Variants in SH3BGR observed in about 807,000 individuals in gnomAD.
The protein encoded by SH3BGR is SH3 domain-binding glutamic acid-rich protein.
In SH3BGR, 29 loss-of-function variants were observed where a neutral mutation model predicts 24.5. The ratio of observed to expected loss-of-function variants is 1.18; its 90% CI spans 0.88 to 1.61. The LOEUF is 1.61. Among genes scored for constraint, SH3BGR ranks in the 40% most tolerant of loss-of-function variants. The pLI is 0.00. For synonymous variants in SH3BGR, 55 were observed against 65.7 expected (o/e 0.84, Z 0.79); for missense variants, 162 against 205.8 (o/e 0.79, Z 1.30).
intron 3 of SH3BGR, among the ~76,000 whole-genome samples, chr21:39,476,481 A>T (rs187763274): frequency 6.6e-6 from 1 of 152,206 alleles, no homozygotes; most frequent in Non-Finnish European, 1.5e-5. Flanking sequence ...TTTTGGGGGA[A>T]TTTTCCCACA....
intron 5 of SH3BGR, among the ~76,000 whole-genome samples, chr21:39,510,429 TACACAC>T (rs140320437): frequency 0.028 from 2,910 of 105,594 alleles, 103 homozygotes; most frequent in Middle Eastern, 0.088. Flanking sequence ...ACACTGTAGC[TACACAC>T]ACACACACAC....
intron 4 of SH3BGR, 67 bp from the exon 5 acceptor site, chr21:39,508,931 T>C: frequency 7.9e-7 from 1 of 1,273,528 alleles, no homozygotes; most frequent in South Asian, 1.3e-5. Context: ...TTTGCTTGAT[T>C]TTCAGATTTG....
At chr21:39,508,116 G>T (rs1400536640) in intron 4 of SH3BGR, among the ~76,000 whole-genome samples, 1 of 152,162 alleles carries the variant, frequency 6.6e-6, no homozygotes, top group African/African-American at 2.4e-5. Flanking sequence ...ATGGTGCTGG[G>T]TAGAGAATGT....
intron 3 of SH3BGR, chr21:39,488,525 T>TGAGCAC (rs903478694): frequency 2.5e-5 from 9 of 367,178 alleles, no homozygotes; most frequent in Non-Finnish European, 1.8e-5. Context: ...TGCTGGACTT[T>TGAGCAC]GAGCACTTCC....
At position 39,451,987 on chromosome 21, in the gene SH3BGR, C is replaced by T; in HGVS notation, c.-110C>T. On this transcript the variant is annotated 5_prime_UTR_variant, in exon 1 of 7. Transcript: ENST00000333634. Reference sequence around the variant, plus strand: ...CGGAGCCCAGTGGACCCCTGGGCTGCTGCCAGCCCCGACCTGGCACTTGCT... The same window carrying T: ...CGGAGCCCAGTGGACCCCTGGGCTGTTGCCAGCCCCGACCTGGCACTTGCT... The T allele has an allele frequency of 1.2e-6, 2 of 1,614,170 alleles. No individual in the cohort carries two copies. The highest frequency in any genetic ancestry group is 1.6e-4 in the Middle Eastern group (1 of 6,062).
Position 39,455,893 on chromosome 21 carries a change from T to C in SH3BGR, c.45+3752T>C, listed in dbSNP as rs573699481. Among the ~76,000 whole-genome samples the C allele has an allele frequency of 2.0e-3, 312 of 152,282 alleles. 2 individuals carry two copies. The highest frequency in any genetic ancestry group is 3.6e-3 in the Non-Finnish European group (242 of 68,026). The stretch of plus-strand genomic sequence containing the variant: ...ATTTTTCTTCTTCTTTTTCTCCTTT[T>C]TTGGGGATGAGGGCTGAGAAATGGC... On this transcript the variant is annotated intron_variant, in intron 1 of 6. Coordinates refer to ENST00000333634, the MANE Select transcript of SH3BGR (RefSeq NM_007341.3).
At chr21:39,514,208 G>C (rs780759709) in intron 6 of SH3BGR, among the ~76,000 whole-genome samples, 19 of 152,074 alleles carry the variant, frequency 1.2e-4, no homozygotes, top group Non-Finnish European at 2.1e-4. Flanking sequence ...AAACTATTTG[G>C]CTTCCAAAAA....
intron 6 of SH3BGR, among the ~76,000 whole-genome samples, chr21:39,512,358 C>G (rs2078710534): frequency 6.6e-6 from 1 of 152,156 alleles, no homozygotes; most frequent in Non-Finnish European, 1.5e-5. Flanking sequence ...TTCTATTAAC[C>G]AGAACGCTCC....
Position 39,511,653 on chromosome 21 carries a change from T to C in SH3BGR, c.436-27T>C. ...TATCCTTGGCCCTTATGCTTCTTAA[T>C]ACTAATGTAAGTTTTGTTAAAATAA... is the stretch of plus-strand genomic sequence containing the variant. On this transcript the variant is annotated intron_variant, in intron 5 of 6. Coordinates refer to ENST00000333634, the MANE Select transcript of SH3BGR (RefSeq NM_007341.3). This position sits in a 1 kb window ranked among gnomAD's most constrained non-coding sequence, Gnocchi z 4.2. 2 of 1,606,086 alleles carry C rather than the reference T, an allele frequency of 1.2e-6. No homozygotes were observed. Among genetic ancestry groups the C allele is most frequent in the East Asian group, 4.5e-5 (2 of 44,828 alleles).
chr21:39,468,300 A>C (rs1216528458), intron 2 of SH3BGR, among the ~76,000 whole-genome samples: 1 of 152,228 alleles, frequency 6.6e-6, no homozygotes, highest in Non-Finnish European at 1.5e-5. Context: ...GTGATAAGAA[A>C]TACATAATTT....
In SH3BGR at chr21:39,515,118, T is replaced by C. The variant is rs1227653807; in HGVS notation, c.*65T>C. The C allele has an allele frequency of 2.1e-6, 1 of 470,726 alleles. No individual in the cohort carries two copies. Among genetic ancestry groups the C allele is most frequent in the African/African-American group, 2.0e-5 (1 of 50,088 alleles). The allele number at this position is 470,726 out of a possible 1,614,324, so 29.2% of individuals were successfully genotyped here. On this transcript the variant is annotated 3_prime_UTR_variant, in exon 7 of 7. Coordinates refer to ENST00000333634, the MANE Select transcript of SH3BGR (RefSeq NM_007341.3). ...GGAAGCTATGAAGCAACATTTCAAA[T>C]GTCTCTCCACAAACCAAACTCAACA...
chr21:39,478,204 G>A (rs1056220683), intron 3 of SH3BGR, among the ~76,000 whole-genome samples: 1 of 152,078 alleles, frequency 6.6e-6, no homozygotes, highest in Non-Finnish European at 1.5e-5. Flanking sequence ...GTCCTACAAA[G>A]ATTACTTTTT....
intron 2 of SH3BGR, among the ~76,000 whole-genome samples, chr21:39,465,042 G>GTGCAATCA (rs2077817865): frequency 6.6e-6 from 1 of 151,900 alleles, no homozygotes; most frequent in African/African-American, 2.4e-5. Context: ...GAGTGCAGTG[G>GTGCAATCA]TGCAATCATG....
chr21:39,454,735 C>T (rs144551764), intron 1 of SH3BGR, among the ~76,000 whole-genome samples: 8 of 152,294 alleles, frequency 5.3e-5, no homozygotes, highest in South Asian at 4.1e-4. Flanking sequence ...TGAATTAGAT[C>T]GTTGAGTGTC....
At chr21:39,447,416 C>CTT (rs910615975), upstream of SH3BGR, among the ~76,000 whole-genome samples, 526 of 114,690 alleles carry the variant, frequency 4.6e-3, 16 homozygotes, top group Middle Eastern at 0.01. Flanking sequence ...TTCGCTTTTG[C>CTT]TTTTTTTTTT....
intron 3 of SH3BGR, among the ~76,000 whole-genome samples, chr21:39,479,657 A>C (rs1226224920): frequency 6.6e-6 from 1 of 152,146 alleles, no homozygotes; most frequent in Non-Finnish European, 1.5e-5. Flanking sequence ...CCAGGAGGTC[A>C]TATTTCCTCT....
rs528764551 is a variant in SH3BGR, at chr21:39,494,613, T to C, written c.313-5210T>C. ...TTTCCTGTAGATAGTGTATGATTTT[T>C]CTCTGGGTGCTTTTAAGATTTTCAT... On this transcript the variant is annotated intron_variant, in intron 3 of 6. Coordinates refer to ENST00000333634, the MANE Select transcript of SH3BGR (RefSeq NM_007341.3). Among the ~76,000 whole-genome samples, 464 of 152,188 alleles carry C rather than the reference T, an allele frequency of 3.0e-3. 1 individual carries two copies. The highest frequency in any genetic ancestry group is 5.0e-3 in the Non-Finnish European group (341 of 67,988).
chr21:39,462,336 T>C (rs1229813986), intron 1 of SH3BGR, 39 bp from the exon 2 acceptor site: 1 of 1,495,018 alleles, frequency 6.7e-7, no homozygotes, highest in African/African-American at 1.4e-5. Flanking sequence ...AGCAAAATAT[T>C]TTTCATAAAC....
chr21:39,504,491 C>T (rs2078550625), intron 4 of SH3BGR, among the ~76,000 whole-genome samples: 1 of 152,200 alleles, frequency 6.6e-6, no homozygotes, highest in Admixed American at 6.5e-5. Context: ...TGGCCACGCA[C>T]CACCTCTGCA....
Sources: gnomAD v4.1 joint callset for allele counts (sites outside exome capture counted in the v4.1 genomes callset) on GRCh38, gnomAD v4.1.1 for gene constraint, Gnocchi (gnomAD v3.1) non-coding constraint, MANE v1.5 for transcripts, NCBI Gene and HGNC (gene_info 2026-07-23, HGNC 2026-07-21) for gene names.